MGST2: variants seen among roughly 807,000 people sequenced by gnomAD.
MGST2 encodes microsomal glutathione S-transferase 2.
A neutral mutation model predicts 16.6 loss-of-function variants in MGST2; 9 were observed. The observed-to-expected ratio is 0.54, with a 90% CI of 0.33 to 0.95. The LOEUF is 0.95. MGST2 is among the 40% of genes least tolerant of loss of function. The probability of loss-of-function intolerance (pLI) is 0.03; values close to 1 mark genes in which losing one functional copy is unlikely to be tolerated. For missense variants in MGST2, 159 were observed against 175.1 expected (o/e 0.91, Z 0.52); for synonymous variants, 79 against 68.0 (o/e 1.16, Z -0.79).
At chr4:139,747,380 G>A in the MGST2 span, among the ~76,000 whole-genome samples, 2 of 152,172 alleles carry the variant, frequency 1.3e-5, no homozygotes, top group Non-Finnish European at 2.9e-5. Context: ...ATGAATTCTA[G>A]GGGGAAGAAC....
chr4:139,739,425 T>C (rs1729075480), intron 5 of MGST2, among the ~76,000 whole-genome samples: 1 of 152,254 alleles, frequency 6.6e-6, no homozygotes, highest in South Asian at 2.1e-4. Context: ...TTGAGAGTTA[T>C]GCTTTTCGTC....
At chr4:139,727,780 G>A (rs1245105575) in intron 5 of MGST2, among the ~76,000 whole-genome samples, 1 of 152,130 alleles carries the variant, frequency 6.6e-6, no homozygotes, top group Non-Finnish European at 1.5e-5. Context: ...AAATATGTAA[G>A]ATCCCAAATC....
In MGST2 at chr4:139,733,047, T is replaced by C. The variant is rs560994373; in HGVS notation, c.*49-7165T>C. 2.0e-5 allele frequency among the ~76,000 whole-genome samples: 3 copies of C among 152,320 alleles called. No homozygotes were observed. The South Asian group carries it at 6.2e-4, about 32-fold the overall frequency. On this transcript the variant is annotated intron_variant, in intron 5 of 5. Coordinates refer to the MGST2 transcript ENST00000616265. ...CCTAGATATTTCAGGGTCTTCCCTT[T>C]TCCCCCAAATATTTGCTACCTGTTT...
intron 5 of MGST2, among the ~76,000 whole-genome samples, chr4:139,710,714 T>G (rs1007112529): frequency 3.3e-5 from 5 of 152,220 alleles, no homozygotes; most frequent in Admixed American, 2.6e-4. Flanking sequence ...TTCTTCATAA[T>G]TAAATTCTTT....
downstream of MGST2, among the ~76,000 whole-genome samples, chr4:139,741,462 G>A (rs1167655347): frequency 2.0e-5 from 3 of 152,138 alleles, no homozygotes; most frequent in African/African-American, 7.2e-5. Flanking sequence ...GCTTTAAATT[G>A]TGCCCTGAGC....
chr4:139,703,361 T>C, intron 3 of MGST2, 94 bp from the exon 4 acceptor site: 1 of 1,019,198 alleles, frequency 9.8e-7, no homozygotes, highest in Admixed American at 1.8e-5. Context: ...GTCCAATATA[T>C]GTTTTGTGAA....
chr4:139,743,753 C>G (rs913851185), downstream of MGST2, among the ~76,000 whole-genome samples: 3 of 152,092 alleles, frequency 2.0e-5, no homozygotes, highest in African/African-American at 7.2e-5. Flanking sequence ...TATAGAAAGC[C>G]TTGAGAACAC....
chr4:139,703,604 TCTC>T (rs1727394486), intron 4 of MGST2, 68 bp downstream of exon 4: 3 of 1,422,088 alleles, frequency 2.1e-6, no homozygotes, highest in Non-Finnish European at 3.0e-6. Flanking sequence ...TCAGTTTCCT[TCTC>T]CTGAGAGATA....
chr4:139,691,008 T>G (rs1353215175), intron 2 of MGST2, among the ~76,000 whole-genome samples: 1 of 152,156 alleles, frequency 6.6e-6, no homozygotes, highest in African/African-American at 2.4e-5. Flanking sequence ...TTTTAGCACT[T>G]AAAGCTCCAT....
chr4:139,686,253 A>G (rs1332782237), intron 2 of MGST2, among the ~76,000 whole-genome samples: 1 of 152,218 alleles, frequency 6.6e-6, no homozygotes, highest in Non-Finnish European at 1.5e-5. Context: ...CCTGGGATCA[A>G]CAGAAGGGAA....
At chr4:139,669,355 C>T (rs1178455179) in intron 1 of MGST2, among the ~76,000 whole-genome samples, 4 of 152,118 alleles carry the variant, frequency 2.6e-5, no homozygotes, top group South Asian at 2.1e-4. Flanking sequence ...TTCATGGAGT[C>T]GGGACACCAT....
intron 2 of MGST2, among the ~76,000 whole-genome samples, chr4:139,690,863 T>A (rs181356661): frequency 6.6e-6 from 1 of 152,308 alleles, no homozygotes; most frequent in East Asian, 1.9e-4. Flanking sequence ...CAGGTGGGAA[T>A]GTGCAGTAGT....
intron 5 of MGST2, chr4:139,719,864 C>T (rs1728158591): frequency 1.9e-6 from 3 of 1,613,878 alleles, no homozygotes; most frequent in Non-Finnish European, 1.7e-6. Flanking sequence ...GCTTTGTGCT[C>T]CTTGCTGGAC....
chr4:139,719,361 A>T, intron 5 of MGST2: 1 of 1,607,280 alleles, frequency 6.2e-7, no homozygotes, highest in Non-Finnish European at 8.5e-7. Context: ...TCCTGCATCC[A>T]CTCGTCCCCT....
chr4:139,725,495 C>T (rs1039419120), intron 5 of MGST2, among the ~76,000 whole-genome samples: 1 of 152,162 alleles, frequency 6.6e-6, no homozygotes, highest in African/African-American at 2.4e-5. Flanking sequence ...GTCCCAACTC[C>T]GACAGCTACC....
At chr4:139,689,371 A>G (rs1458391242) in intron 2 of MGST2, among the ~76,000 whole-genome samples, 1 of 151,936 alleles carries the variant, frequency 6.6e-6, no homozygotes, top group Non-Finnish European at 1.5e-5. Context: ...ACCAGCCGCC[A>G]CCTCCCTATT....
chr4:139,740,089 C>T (rs1729108721), intron 5 of MGST2: 1 of 152,160 alleles, frequency 6.6e-6, no homozygotes, highest in Non-Finnish European at 1.5e-5. Context: ...ACATTGCTGC[C>T]ACAAAGAGCT....
chr4:139,738,475 G>A (rs902477832), intron 5 of MGST2, among the ~76,000 whole-genome samples: 4 of 152,112 alleles, frequency 2.6e-5, no homozygotes, highest in South Asian at 2.1e-4. Flanking sequence ...CCTGGGAGGC[G>A]GAGGTTGCAG....
At chr4:139,668,642 G>GGA (rs796358101) in intron 1 of MGST2, among the ~76,000 whole-genome samples, 46 of 150,118 alleles carry the variant, frequency 3.1e-4, no homozygotes, top group African/African-American at 1.1e-3. Flanking sequence ...AGGGGGAGAG[G>GGA]GAGAGAGAGA....
Sources: gnomAD v4.1 joint callset for allele counts (sites outside exome capture counted in the v4.1 genomes callset) on GRCh38, gnomAD v4.1.1 for gene constraint, MANE v1.5 for transcripts, NCBI Gene and HGNC (gene_info 2026-07-23, HGNC 2026-07-21) for gene names.